ZDHHC3: variants seen among roughly 807,000 people sequenced by gnomAD.
ZDHHC3 encodes palmitoyltransferase ZDHHC3.
In ZDHHC3, 9 loss-of-function variants were observed where a neutral mutation model predicts 30.6. The observed-to-expected ratio is 0.29, with a 90% CI of 0.18 to 0.51. The LOEUF (loss-of-function observed/expected upper bound fraction) is 0.51. Among genes scored for constraint, ZDHHC3 ranks in the 20% least tolerant of loss-of-function variants. The pLI, the probability that ZDHHC3 is intolerant of heterozygous loss-of-function variation, is 0.97. For synonymous variants in ZDHHC3, 136 were observed against 140.2 expected, an observed-to-expected ratio of 0.97 and a Z score of 0.21; for missense variants, 246 against 384.2, an observed-to-expected ratio of 0.64 and a Z score of 3.01.
chr3:44,921,004 C>G lies in ZDHHC3; in HGVS notation c.*5685G>C. 1.0e-6 allele frequency: 1 copy of G among 985,436 alleles called. No homozygotes were observed. The highest frequency in any genetic ancestry group is 1.2e-6 in the Non-Finnish European group (1 of 829,938). The allele number at this position is 985,436 out of a possible 1,614,324, so 61.0% of individuals were successfully genotyped here. ...TTAAAGGGATCCTGCAGGCAAAGTT[C>G]TTAAGCTTGAGGTTTGCAGAGGAGC... On this transcript the variant is annotated 3_prime_UTR_variant, in exon 7 of 7. Transcript: ENST00000424952.
At chr3:44,964,461 T>C (rs1233900180) in intron 1 of ZDHHC3, among the ~76,000 whole-genome samples, 3 of 152,140 alleles carry the variant, frequency 2.0e-5, no homozygotes, top group African/African-American at 7.2e-5. Context: ...ATGCAGGCTT[T>C]GTAGGAAAGA....
chr3:44,925,601 T>G lies in ZDHHC3; in HGVS notation c.*1088A>C. 1.0e-6 allele frequency: 1 copy of G among 985,388 alleles called. No individual in the cohort carries two copies. The highest frequency in any genetic ancestry group is 1.2e-6 in the Non-Finnish European group (1 of 829,944). 61.0% of individuals were successfully genotyped at this position (985,388 alleles called of 1,614,324 possible). On this transcript the variant is annotated 3_prime_UTR_variant, in exon 7 of 7. Coordinates refer to ENST00000424952, the MANE Select transcript of ZDHHC3 (RefSeq NM_001135179.2). ...CCAATGGGATGGCCATATGTCAACT[T>G]TGAAAGGGTGGGGACTGTGAGGTAA...
chr3:44,945,088 C>T (rs1167348469), intron 3 of ZDHHC3, 80 bp downstream of exon 3: 36 of 1,599,130 alleles, frequency 2.3e-5, no homozygotes, highest in Non-Finnish European at 3.1e-5. Flanking sequence ...GTGTGTGCTA[C>T]TCCAGGAGGC....
chr3:44,931,743 C>T (rs971330528), intron 5 of ZDHHC3, among the ~76,000 whole-genome samples: 1 of 152,168 alleles, frequency 6.6e-6, no homozygotes, highest in African/African-American at 2.4e-5. Flanking sequence ...GTCAACCAGA[C>T]AGGGCTAAAA....
Position 44,918,346 on chromosome 3 carries a change from G to A in ZDHHC3, c.*8343C>T. 1.0e-6 allele frequency: 1 copy of A among 985,382 alleles called. No homozygotes were observed. Among genetic ancestry groups the A allele is most frequent in the East Asian group, 1.1e-4 (1 of 8,788 alleles). 61.0% of individuals were successfully genotyped at this position (985,382 alleles called of 1,614,324 possible). A position where few individuals can be genotyped will look rare whatever the true frequency, so the allele number is the denominator to read the frequency against. ...CTCAGAGGACTGCTGGGGTGTGGGT[G>A]GACAGCAGCGTGGAGGAACACAGCA... On this transcript the variant is annotated 3_prime_UTR_variant, in exon 7 of 7. Transcript: ENST00000424952.
At chr3:44,947,411 T>C (rs1290528960) in intron 2 of ZDHHC3, among the ~76,000 whole-genome samples, 1 of 152,184 alleles carries the variant, frequency 6.6e-6, no homozygotes, top group African/African-American at 2.4e-5. Context: ...AGCTCTACAT[T>C]TGCGAGTGGT....
At position 44,917,853 on chromosome 3, in the gene ZDHHC3, G is replaced by C. The variant is rs1700291694; in HGVS notation, c.*8836C>G. The C allele has an allele frequency of 7.8e-7, 1 of 1,288,402 alleles. No homozygotes were observed. The highest frequency in any genetic ancestry group is 2.3e-5 in the Admixed American group (1 of 43,418). The allele number at this position is 1,288,402 out of a possible 1,614,324, so 79.8% of individuals were successfully genotyped here. The stretch of plus-strand genomic sequence containing the variant: ...TAGCCAAAACCCCAGGATGAAGGTT[G>C]ACAGCACTTTTTAGTGTTTGCTTCT... On this transcript the variant is annotated 3_prime_UTR_variant, in exon 7 of 7. Coordinates refer to ENST00000424952, the MANE Select transcript of ZDHHC3 (RefSeq NM_001135179.2).
chr3:44,969,557 A>G (rs1705235804), intron 1 of ZDHHC3: 1 of 152,258 alleles, frequency 6.6e-6, no homozygotes, highest in South Asian at 2.1e-4. Flanking sequence ...TAACTAGAAA[A>G]TAAAAGGGGG....
In ZDHHC3 at chr3:44,929,394, A is replaced by G; in HGVS notation, c.653T>C (p.Ile218Thr). 1.2e-6 allele frequency: 2 copies of G among 1,614,140 alleles called. No individual in the cohort carries two copies. Among genetic ancestry groups the G allele is most frequent in the Non-Finnish European group, 8.5e-7 (1 of 1,179,972 alleles). Reference sequence around the variant, plus strand: ...GAGCAGGCCCTCAAAGCACAGCAGGATAAGGAGAATCACTGTGGTGGGTGG... The same window carrying G: ...GAGCAGGCCCTCAAAGCACAGCAGGGTAAGGAGAATCACTGTGGTGGGTGG... ...FSPPTTVILL[I>T]LLCFEGLLFL... Residue 218 changes from isoleucine (I) to threonine (T), a missense_variant, in exon 6 of 7, where the codon ATC (isoleucine) becomes ACC (threonine). Coordinates refer to ENST00000424952, the MANE Select transcript of ZDHHC3 (RefSeq NM_001135179.2).
intron 2 of ZDHHC3, among the ~76,000 whole-genome samples, chr3:44,949,899 G>A (rs1033799617): frequency 2.6e-5 from 4 of 152,004 alleles, no homozygotes; most frequent in Non-Finnish European, 5.9e-5. Flanking sequence ...GCAGTAGCAC[G>A]ATCTCAGCTC....
At position 44,918,972 on chromosome 3, in the gene ZDHHC3, A is replaced by G. The variant is rs535503079; in HGVS notation, c.*7717T>C. Reference sequence around the variant, plus strand: ...CTTTCTCCATCTCTTCTGGAAGCCAAGGGAATTTGCTGTGGGTTTGCTGGG... The same window carrying G: ...CTTTCTCCATCTCTTCTGGAAGCCAGGGGAATTTGCTGTGGGTTTGCTGGG... On this transcript the variant is annotated 3_prime_UTR_variant, in exon 7 of 7. Transcript: ENST00000424952. 5.5e-5 allele frequency: 54 copies of G among 985,586 alleles called. No individual in the cohort carries two copies. The African/African-American group carries it at 9.1e-4, about 17-fold the overall frequency. The allele number at this position is 985,586 out of a possible 1,614,324, so 61.1% of individuals were successfully genotyped here.
intron 3 of ZDHHC3, 55 bp downstream of exon 3, chr3:44,945,113 A>T: frequency 3.7e-6 from 6 of 1,608,964 alleles, no homozygotes; most frequent in Non-Finnish European, 5.1e-6. Context: ...GTTGGCGGGG[A>T]TGGAGGGAGG....
intron 3 of ZDHHC3, among the ~76,000 whole-genome samples, chr3:44,942,818 C>A (rs1017652739): frequency 1.3e-5 from 2 of 152,224 alleles, no homozygotes; most frequent in Non-Finnish European, 2.9e-5. Context: ...CACCGTGTAG[C>A]AAGCGACACA....
At position 44,976,088 on chromosome 3, in the gene ZDHHC3, G is replaced by C. The variant is rs564570675; in HGVS notation, c.-180C>G. The C allele has an allele frequency of 4.3e-4, 192 of 445,104 alleles. No individual in the cohort carries two copies. The highest frequency in any genetic ancestry group is 6.5e-4 in the Non-Finnish European group (170 of 259,652). The allele number at this position is 445,104 out of a possible 1,614,324, so 27.6% of individuals were successfully genotyped here. A position where few individuals can be genotyped will look rare whatever the true frequency, so the allele number is the denominator to read the frequency against. ...CGCCGCGGCTCTCTGGACTCGGCCA[G>C]ACACCGGGCGGCGCGCAGGAGAAGC... On this transcript the variant is annotated 5_prime_UTR_variant, in exon 1 of 7. Coordinates refer to ENST00000424952, the MANE Select transcript of ZDHHC3 (RefSeq NM_001135179.2).
Position 44,926,190 on chromosome 3 carries a change from T to C in ZDHHC3, c.*499A>G. The C allele has an allele frequency of 2.0e-6, 2 of 985,800 alleles. No individual in the cohort carries two copies. Among genetic ancestry groups the C allele is most frequent in the Non-Finnish European group, 2.4e-6 (2 of 830,158 alleles). The allele number at this position is 985,800 out of a possible 1,614,324, so 61.1% of individuals were successfully genotyped here. A position where few individuals can be genotyped will look rare whatever the true frequency, so the allele number is the denominator to read the frequency against. ...CCAAGGTCCCTTCTGATCCTGCCCT[T>C]CTCAGGCCTCAAGGGGTAAGCATCC... On this transcript the variant is annotated 3_prime_UTR_variant, in exon 7 of 7. Coordinates refer to ENST00000424952, the MANE Select transcript of ZDHHC3 (RefSeq NM_001135179.2).
At chr3:44,929,653 C>T (rs1021452001) in intron 5 of ZDHHC3, among the ~76,000 whole-genome samples, 15 of 152,198 alleles carry the variant, frequency 9.9e-5, no homozygotes, top group African/African-American at 2.7e-4. Flanking sequence ...AGGCCAGGCC[C>T]CAGCCAGGGC....
At chr3:44,945,848 C>T (rs1702882986) in intron 2 of ZDHHC3, among the ~76,000 whole-genome samples, 1 of 152,240 alleles carries the variant, frequency 6.6e-6, no homozygotes, top group African/African-American at 2.4e-5. Flanking sequence ...CAAGCCACCA[C>T]ACCCGGCCAA....
At chr3:44,963,218 G>A (rs1156534195) in intron 1 of ZDHHC3, among the ~76,000 whole-genome samples, 2 of 152,202 alleles carry the variant, frequency 1.3e-5, no homozygotes, top group Non-Finnish European at 2.9e-5. Context: ...ACCAAAGAGT[G>A]TACAGAGGAG....
intron 3 of ZDHHC3, among the ~76,000 whole-genome samples, chr3:44,939,636 C>T (rs1233346637): frequency 6.6e-6 from 1 of 152,234 alleles, no homozygotes; most frequent in Non-Finnish European, 1.5e-5. Flanking sequence ...GGCTCAGCGG[C>T]AGAGAGGTGC....
Sources: allele counts gnomAD v4.1 joint callset (sites outside exome capture counted in the v4.1 genomes callset), GRCh38; gene constraint gnomAD v4.1.1; transcripts MANE v1.5; gene names NCBI Gene and HGNC (gene_info 2026-07-23, HGNC 2026-07-21).